Variants in CALN1 observed in about 807,000 individuals in gnomAD.
CALN1 encodes calcium-binding protein 8.
A neutral mutation model predicts 30.6 loss-of-function variants in CALN1; 17 were observed. The observed-to-expected ratio is 0.56, with a 90% CI of 0.38 to 0.83. The LOEUF is 0.83. CALN1 is among the 40% of genes least tolerant of loss of function. The pLI is 0.00. For synonymous variants in CALN1, 156 were observed against 131.4 expected (o/e 1.19, Z -1.28); for missense variants, 291 against 354.9 (o/e 0.82, Z 1.45).
At chr7:71,939,864 A>G (rs914063405) in intron 5 of CALN1, among the ~76,000 whole-genome samples, 6 of 152,116 alleles carry the variant, frequency 3.9e-5, no homozygotes, top group Non-Finnish European at 8.8e-5. Context: ...CTCTTGCCAA[A>G]CTCCCTAACA....
the CALN1 span, among the ~76,000 whole-genome samples, chr7:72,469,571 G>T: frequency 6.6e-6 from 1 of 152,002 alleles, no homozygotes; most frequent in South Asian, 2.1e-4. Flanking sequence ...TCATTGTTTT[G>T]TATTTGTAGT....
the CALN1 span, among the ~76,000 whole-genome samples, chr7:72,466,554 G>T: frequency 6.6e-6 from 1 of 152,076 alleles, no homozygotes; most frequent in Non-Finnish European, 1.5e-5. Context: ...GACCAGCCTG[G>T]CCAACATGGC....
intron 5 of CALN1, among the ~76,000 whole-genome samples, chr7:71,851,441 T>A (rs1237704105): frequency 6.6e-6 from 1 of 151,580 alleles, no homozygotes; most frequent in Non-Finnish European, 1.5e-5. Context: ...ATTGCTTGAA[T>A]CTAGGAGGCG....
chr7:72,334,920 C>G (rs1026923653), intron 2 of CALN1, among the ~76,000 whole-genome samples: 3 of 152,194 alleles, frequency 2.0e-5, no homozygotes, highest in Non-Finnish European at 2.9e-5. Context: ...TTCCACTGGT[C>G]TTCCACCAGG....
intron 3 of CALN1, among the ~76,000 whole-genome samples, chr7:72,169,489 A>ATTAT (rs1563116982): frequency 4.6e-5 from 4 of 86,746 alleles, no homozygotes; most frequent in African/African-American, 1.4e-4. Flanking sequence ...CCAGCTGATT[A>ATTAT]TTTTTTTTTT....
chr7:72,366,800 G>A (rs1803902943), intron 2 of CALN1, among the ~76,000 whole-genome samples: 1 of 149,346 alleles, frequency 6.7e-6, no homozygotes, highest in Admixed American at 6.8e-5. Context: ...TATATGACCT[G>A]GCAGTTTCTT....
chr7:71,834,963 T>G (rs1031147426), intron 5 of CALN1, among the ~76,000 whole-genome samples: 7 of 152,166 alleles, frequency 4.6e-5, no homozygotes, highest in Non-Finnish European at 1.0e-4. Flanking sequence ...TTTCGAGTAG[T>G]TGGGACTATG....
chr7:72,351,242 C>G (rs1802903171), intron 2 of CALN1, among the ~76,000 whole-genome samples: 1 of 152,068 alleles, frequency 6.6e-6, no homozygotes, highest in Admixed American at 6.6e-5. Flanking sequence ...GTGGTTCATG[C>G]CTGTAATCCT....
rs115431449 is a variant in CALN1 at position 72,383,750 on chromosome 7, A to C, written c.119+19501T>G. Among the ~76,000 whole-genome samples, 227 of 152,328 alleles carry C rather than the reference A, an allele frequency of 1.5e-3. 1 individual carries two copies. Among genetic ancestry groups the C allele is most frequent in the African/African-American group, 5.2e-3 (218 of 41,586 alleles). ...AATTTGTTCCTACCCAGTAAAGAGA[A>C]TAAGCAATGATTTCACAGCTTATTT... On this transcript the variant is annotated intron_variant, in intron 2 of 6. Coordinates refer to ENST00000395275, the MANE Select transcript of CALN1 (RefSeq NM_031468.4).
At chr7:72,250,684 T>C (rs1795492582) in intron 3 of CALN1, among the ~76,000 whole-genome samples, 1 of 152,008 alleles carries the variant, frequency 6.6e-6, no homozygotes, top group African/African-American at 2.4e-5. Context: ...ATGTGGGAGC[T>C]GGTTGTTTAA....
At position 72,061,940 on chromosome 7, in the gene CALN1, C is replaced by T. The variant is rs78913787; in HGVS notation, c.389-38171G>A. On this transcript the variant is annotated intron_variant, in intron 4 of 6. Transcript: ENST00000395275. ...AATAAAGACAAAGAAAAACATCTTA[C>T]AATCAGACAGAAATAAATGACGCAT... Among the ~76,000 whole-genome samples, 39 of 151,842 alleles carry T rather than the reference C, an allele frequency of 2.6e-4. No individual in the cohort carries two copies. The East Asian group carries it at 3.7e-3, about 14-fold the overall frequency.
At chr7:72,185,223 G>A (rs1343301527) in intron 3 of CALN1, among the ~76,000 whole-genome samples, 1 of 152,048 alleles carries the variant, frequency 6.6e-6, no homozygotes, top group African/African-American at 2.4e-5. Context: ...ATGTACATGG[G>A]AAAAATGTAC....
intron 3 of CALN1, among the ~76,000 whole-genome samples, chr7:72,233,109 T>A (rs1432217336): frequency 6.6e-6 from 1 of 152,038 alleles, no homozygotes; most frequent in Non-Finnish European, 1.5e-5. Flanking sequence ...GTTTAGTTCC[T>A]TTATTTTGGT....
At chr7:72,145,818 T>C (rs1422524630) in intron 3 of CALN1, among the ~76,000 whole-genome samples, 2 of 152,194 alleles carry the variant, frequency 1.3e-5, no homozygotes, top group African/African-American at 4.8e-5. Context: ...TGGTTCAACA[T>C]ATGCAAATCA....
chr7:72,265,404 T>C (rs1437918805), intron 3 of CALN1, among the ~76,000 whole-genome samples: 13 of 152,166 alleles, frequency 8.5e-5, no homozygotes, highest in Admixed American at 8.5e-4. Context: ...CAGTTGAACC[T>C]GCTGCTGGCC....
chr7:72,412,878 G>A (rs1053882737), upstream of CALN1, among the ~76,000 whole-genome samples: 2 of 152,206 alleles, frequency 1.3e-5, no homozygotes, highest in Admixed American at 6.5e-5. Flanking sequence ...CCAGACCATG[G>A]AGGCCACAGC....
intron 5 of CALN1, among the ~76,000 whole-genome samples, chr7:71,857,656 C>G (rs1791036520): frequency 6.6e-6 from 1 of 152,204 alleles, no homozygotes; most frequent in Non-Finnish European, 1.5e-5. Context: ...GCTGAGGCTG[C>G]AGAGGTGGCA....
intron 5 of CALN1, among the ~76,000 whole-genome samples, chr7:71,890,925 T>G (rs1321623790): frequency 6.6e-6 from 1 of 151,968 alleles, no homozygotes; most frequent in East Asian, 1.9e-4. Context: ...TTTTGTATGT[T>G]TGGTAGAGAC....
At chr7:71,969,221 CA>C (rs950731918) in intron 5 of CALN1, among the ~76,000 whole-genome samples, 1 of 152,092 alleles carries the variant, frequency 6.6e-6, no homozygotes, top group African/African-American at 2.4e-5. Context: ...TTATCTTTTG[CA>C]GCCTGTGAAC....
Sources: allele counts gnomAD v4.1 joint callset (sites outside exome capture counted in the v4.1 genomes callset), GRCh38; gene constraint gnomAD v4.1.1; transcripts MANE v1.5; gene names NCBI Gene and HGNC (gene_info 2026-07-23, HGNC 2026-07-21).